The following CD96 variants were observed in gnomAD, a reference collection of about 807,000 sequenced individuals.
CD96 encodes CD96 molecule.
A neutral mutation model predicts 71.3 loss-of-function variants in CD96; 70 were observed. The observed-to-expected ratio is 0.98, with a 90% CI of 0.81 to 1.20. The LOEUF is 1.20. CD96 is among the 50% of genes most tolerant of loss of function. The pLI is 0.00. For missense variants in CD96, 742 were observed against 677.5 expected, an observed-to-expected ratio of 1.10 and a Z score of -1.06; for synonymous variants, 248 against 233.0, an observed-to-expected ratio of 1.06 and a Z score of -0.59.
rs370450188 is a variant in CD96, at chr3:111,542,198, A to G, written c.-51A>G. On this transcript the variant is annotated 5_prime_UTR_variant, in exon 1 of 14. Transcript: ENST00000352690. ...GGCTGGAGTTTGCTTGAAAACATCA[A>G]TTGACTTTGTGATCATTACAGAAAT... The G allele has an allele frequency of 8.0e-4, 1,246 of 1,562,604 alleles. 25 individuals carry two copies. The South Asian group carries it at 0.01, about 13-fold the overall frequency.
At chr3:111,594,042 A>G in intron 5 of CD96, 1 of 1,614,144 alleles carries the variant, frequency 6.2e-7, no homozygotes. Context: ...GCCTCAGAGA[A>G]CCGGGTGCCC....
At chr3:111,601,635 A>G (rs1299650959) in intron 7 of CD96, among the ~76,000 whole-genome samples, 1 of 152,248 alleles carries the variant, frequency 6.6e-6, no homozygotes, top group Non-Finnish European at 1.5e-5. Context: ...TCAGATATTC[A>G]TATTTAACAG....
intron 2 of CD96, among the ~76,000 whole-genome samples, chr3:111,563,119 G>A (rs938923344): frequency 6.6e-6 from 1 of 152,182 alleles, no homozygotes. Flanking sequence ...CTTTTATAAT[G>A]GCATTAATGC....
intron 2 of CD96, among the ~76,000 whole-genome samples, chr3:111,556,301 C>G (rs58315974): frequency 0.11 from 16,281 of 146,180 alleles, 1,015 homozygotes; most frequent in Non-Finnish European, 0.12. Flanking sequence ...TGCGCCGCAC[C>G]CACTAACTCG....
At chr3:111,631,452 G>T (rs1352742879) in intron 10 of CD96, among the ~76,000 whole-genome samples, 2 of 151,910 alleles carry the variant, frequency 1.3e-5, no homozygotes, top group Non-Finnish European at 2.9e-5. Context: ...GAAGTGAAGA[G>T]CCTCTTCAAG....
rs146160376 is a variant in CD96 at position 111,546,735 on chromosome 3, A to G, written c.418+1333A>G. ...TTAAAGGGGGCATAGAGCTGTCCAG[A>G]ACAAGCAACAGGTATGGATTTATAG... On this transcript the variant is annotated intron_variant, in intron 2 of 13. Coordinates refer to ENST00000352690, the MANE Select transcript of CD96 (RefSeq NM_005816.5). Among the ~76,000 whole-genome samples, 3 of 152,258 alleles carry G rather than the reference A, an allele frequency of 2.0e-5. No homozygotes were observed. The East Asian group carries it at 5.8e-4, about 29-fold the overall frequency.
intron 12 of CD96, among the ~76,000 whole-genome samples, chr3:111,639,247 C>T (rs139252508): frequency 3.2e-4 from 48 of 152,312 alleles, no homozygotes; most frequent in African/African-American, 9.9e-4. Flanking sequence ...GCCCATCTCG[C>T]CCTCCACCTG....
chr3:111,577,608 A>G (rs1936277470), intron 3 of CD96: 12 of 1,041,236 alleles, frequency 1.2e-5, no homozygotes, highest in Admixed American at 1.7e-5. Flanking sequence ...GCAGGCAATA[A>G]CACAATACTA....
At chr3:111,652,749 T>A, downstream of CD96, among the ~76,000 whole-genome samples, 1 of 152,108 alleles carries the variant, frequency 6.6e-6, no homozygotes, top group East Asian at 1.9e-4. Context: ...GGGGCTCCAG[T>A]TGCCTTTTAG....
chr3:111,561,694 C>T (rs1935421514), intron 2 of CD96, among the ~76,000 whole-genome samples: 2 of 139,824 alleles, frequency 1.4e-5, no homozygotes, highest in Non-Finnish European at 3.1e-5. Context: ...GAGGTGGAGC[C>T]TACAGAGGCA....
rs758971440 is a variant in CD96 at position 111,567,551 on chromosome 3, T to C, written c.447T>C (p.His149=). Residue 149 remains histidine (H), a synonymous_variant, in exon 3 of 14, where the codon CAT becomes CAC. Transcript: ENST00000352690. ...CAGCAGATGAATGGAACAGCAACCATACGATAGAAATAGAGATAAATCAGA... is the reference window on the plus strand; with the variant it reads ...CAGCAGATGAATGGAACAGCAACCACACGATAGAAATAGAGATAAATCAGA... ...HVTADEWNSN[H]TIEIEINQTL... is the part of the protein sequence containing the mutation. 120 of 1,604,782 alleles carry C rather than the reference T, an allele frequency of 7.5e-5. No individual in the cohort carries two copies. Among genetic ancestry groups the C allele is most frequent in the Non-Finnish European group, 9.6e-5 (112 of 1,171,728 alleles).
At chr3:111,600,517 C>G (rs76828619) in intron 6 of CD96, among the ~76,000 whole-genome samples, 3,814 of 152,282 alleles carry the variant, frequency 0.025, 70 homozygotes, top group Non-Finnish European at 0.034. Flanking sequence ...ATTTTATACC[C>G]TGACCATGGA....
chr3:111,636,398 T>C (rs143231247), intron 10 of CD96, among the ~76,000 whole-genome samples: 152 of 152,358 alleles, frequency 1.0e-3, no homozygotes, highest in Non-Finnish European at 1.4e-3. Context: ...ACATCATTTA[T>C]GCTAATATTT....
intron 6 of CD96, 25 bp from the exon 7 acceptor site, chr3:111,600,701 A>G: frequency 2.6e-6 from 4 of 1,548,748 alleles, no homozygotes; most frequent in Non-Finnish European, 3.6e-6. Flanking sequence ...GTTAGTGTTG[A>G]ACCATGTTCG....
chr3:111,551,869 G>A (rs1934725235), intron 2 of CD96, among the ~76,000 whole-genome samples: 1 of 152,034 alleles, frequency 6.6e-6, no homozygotes. Flanking sequence ...TTGACGAATG[G>A]CCACACTGTC....
intron 10 of CD96, among the ~76,000 whole-genome samples, chr3:111,635,440 A>G (rs1371693542): frequency 6.6e-6 from 1 of 152,226 alleles, no homozygotes; most frequent in African/African-American, 2.4e-5. Context: ...TGGGAAAGTT[A>G]GTAGAAGTCC....
At chr3:111,629,044 T>A (rs4682293) in intron 10 of CD96, among the ~76,000 whole-genome samples, 143,452 of 152,292 alleles carry the variant, frequency 0.94, 67,723 homozygotes, top group Non-Finnish European at 0.97. Context: ...GACCATTACC[T>A]GCCACTACAA....
chr3:111,597,067 A>G (rs1937292703), intron 5 of CD96, among the ~76,000 whole-genome samples: 1 of 152,240 alleles, frequency 6.6e-6, no homozygotes, highest in Non-Finnish European at 1.5e-5. Flanking sequence ...GGGAGTAACT[A>G]GTCTGAGGAT....
rs750711303 is a variant in CD96, at chr3:111,647,614, A to G, written c.1549A>G (p.Met517Val). ...TGTAGCAGCTTTACTCTTTTGCTGC[A>G]TGATATTGTTTGGTCTTGGAGTGAG... is the stretch of plus-strand genomic sequence containing the variant. Reference protein sequence around the residue: ...VIVAALLFCCMILFGLGVRKW... With the variant: ...VIVAALLFCCVILFGLGVRKW... Residue 517 changes from methionine (M) to valine (V), a missense_variant, in exon 13 of 14, where the codon ATG becomes GTG. Transcript: ENST00000352690. The G allele has an allele frequency of 8.1e-6, 13 of 1,611,604 alleles. No homozygotes were observed. The highest frequency in any genetic ancestry group is 1.3e-5 in the African/African-American group (1 of 74,856).
Sources: gnomAD v4.1 joint callset for allele counts (sites outside exome capture counted in the v4.1 genomes callset) on GRCh38, gnomAD v4.1.1 for gene constraint, MANE v1.5 for transcripts, NCBI Gene and HGNC (gene_info 2026-07-23, HGNC 2026-07-21) for gene names.